The following DGKB variants were observed in gnomAD, a reference collection of about 807,000 sequenced individuals.
The protein encoded by DGKB is 90 kDa diacylglycerol kinase.
DGKB carries 67 observed loss-of-function variants against 114.3 expected under a neutral mutation model. The observed-to-expected ratio is 0.59, with a 90% CI of 0.48 to 0.72. DGKB has a LOEUF of 0.72. Ranked by LOEUF, DGKB falls within the 30% of genes least tolerant of loss-of-function variation. The pLI is 0.00. For synonymous variants in DGKB, 398 were observed against 323.1 expected, an observed-to-expected ratio of 1.23 and a Z score of -2.49; for missense variants, 907 against 975.2, an observed-to-expected ratio of 0.93 and a Z score of 0.93.
intron 1 of DGKB, among the ~76,000 whole-genome samples, chr7:14,967,888 T>C (rs36919): frequency 0.54 from 82,711 of 151,764 alleles, 24,299 homozygotes; most frequent in African/African-American, 0.76. Context: ...TTAGAGAGAT[T>C]GAGAGAGAGA....
intron 13 of DGKB, among the ~76,000 whole-genome samples, chr7:14,664,883 G>T (rs1288819451): frequency 5.3e-5 from 8 of 151,246 alleles, no homozygotes; most frequent in South Asian, 4.2e-4. Flanking sequence ...TTAAGGGGAA[G>T]AAAAAGGAAG....
At position 14,729,185 on chromosome 7, in the gene DGKB, C is replaced by T. The variant is rs546846010; in HGVS notation, c.322+6856G>A. Among the ~76,000 whole-genome samples the T allele has an allele frequency of 9.2e-5, 13 of 141,372 alleles. No individual in the cohort carries two copies. The South Asian group carries it at 1.5e-3, about 17-fold the overall frequency. 92.7% of individuals were successfully genotyped at this position (141,372 alleles called of 152,430 possible). ...TTGCCCAGGCTGGAGTGCAGTGGCG[C>T]CATCTCGGCTCACTGCAAGCTCCGC... On this transcript the variant is annotated intron_variant, in intron 5 of 25. Transcript: ENST00000402815.
intron 20 of DGKB, among the ~76,000 whole-genome samples, chr7:14,561,958 CT>C (rs1404317941): frequency 6.6e-6 from 1 of 152,202 alleles, no homozygotes; most frequent in Non-Finnish European, 1.5e-5. Context: ...GGCAGCCCCC[CT>C]CATCACAGGC....
chr7:14,758,630 A>G (rs1835226580), intron 2 of DGKB, among the ~76,000 whole-genome samples: 2 of 152,246 alleles, frequency 1.3e-5, no homozygotes, highest in South Asian at 2.1e-4. Flanking sequence ...ATGGAAAATT[A>G]TTGGCTACCA....
At chr7:14,615,633 A>G (rs1281335595) in intron 15 of DGKB, among the ~76,000 whole-genome samples, 1 of 151,912 alleles carries the variant, frequency 6.6e-6, no homozygotes, top group East Asian at 1.9e-4. Context: ...ATGATATTCC[A>G]CAAGTGGCAA....
chr7:14,405,065 G>T (rs539133244), intron 21 of DGKB, among the ~76,000 whole-genome samples: 5 of 150,364 alleles, frequency 3.3e-5, no homozygotes, highest in Admixed American at 1.3e-4. Context: ...CCACCATTTA[G>T]AGCTCATATT....
chr7:14,146,604 C>T lies in DGKB; in HGVS notation c.*2527G>A, dbSNP rs1412526494. ...GTCATAAAACTGATGAGAATATCTT[C>T]TCTGATTTCAAACCCATCAAGTTAC... On this transcript the variant is annotated 3_prime_UTR_variant, in exon 26 of 26. Transcript: ENST00000402815. The T allele has an allele frequency of 6.6e-6, 1 of 152,096 alleles. No homozygotes were observed. Among genetic ancestry groups the T allele is most frequent in the Non-Finnish European group, 1.5e-5 (1 of 67,980 alleles). The allele number at this position is 152,096 out of a possible 1,614,324, so 9.4% of individuals were successfully genotyped here.
At chr7:14,918,992 G>A (rs181401106) in intron 1 of DGKB, among the ~76,000 whole-genome samples, 1 of 151,560 alleles carries the variant, frequency 6.6e-6, no homozygotes, top group Non-Finnish European at 1.5e-5. Flanking sequence ...GAACCCAGGA[G>A]GCGGAGGTTC....
chr7:14,397,021 A>G (rs1822317213), intron 21 of DGKB, among the ~76,000 whole-genome samples: 1 of 152,108 alleles, frequency 6.6e-6, no homozygotes, highest in African/African-American at 2.4e-5. Context: ...ATTCCGGTCA[A>G]TAAGTTTTTC....
intron 1 of DGKB, among the ~76,000 whole-genome samples, chr7:14,958,722 G>C (rs1029439705): frequency 6.6e-6 from 1 of 151,958 alleles, no homozygotes. Context: ...CACCTCCTTA[G>C]ATGTAAATGT....
Position 14,797,986 on chromosome 7 carries a change from G to A in DGKB, c.71-40255C>T, listed in dbSNP as rs1427305654. 2.6e-5 allele frequency among the ~76,000 whole-genome samples: 4 copies of A among 152,182 alleles called. No individual in the cohort carries two copies. In the East Asian group the frequency reaches 7.7e-4, roughly 29 times the overall value. ...TTGAGCAGCAGAAAGAAAGCTCTCA[G>A]CAGGGAGAGGGGACCCGAAATCAGG... On this transcript the variant is annotated intron_variant, in intron 2 of 25. Coordinates refer to ENST00000402815, the MANE Select transcript of DGKB (RefSeq NM_001350709.2).
chr7:14,747,775 G>GCGCGCGCGCGCACA lies in DGKB; in HGVS notation c.168+6152_168+6153insTGTGCGCGCGCGCG. On this transcript the variant is annotated intron_variant, in intron 4 of 25. Coordinates refer to ENST00000402815, the MANE Select transcript of DGKB (RefSeq NM_001350709.2). ...GCTGTGGGCTCAAACACATCCACGCGCACGCACACACACACACACACACAC... is the reference window on the plus strand; with the variant it reads ...GCTGTGGGCTCAAACACATCCACGCGCGCGCGCGCGCACACACGCACACACACACACACACACAC... Among the ~76,000 whole-genome samples, 677 of 149,268 alleles carry GCGCGCGCGCGCACA rather than the reference G, an allele frequency of 4.5e-3. 5 individuals are homozygous for GCGCGCGCGCGCACA. Among genetic ancestry groups the GCGCGCGCGCGCACA allele is most frequent in the African/African-American group, 0.014 (567 of 39,690 alleles).
intron 1 of DGKB, among the ~76,000 whole-genome samples, chr7:14,851,053 G>T (rs1001764617): frequency 7.2e-5 from 11 of 152,096 alleles, no homozygotes; most frequent in Admixed American, 3.9e-4. Context: ...CTCAATAATG[G>T]TTATTTTCTC....
chr7:14,252,395 A>G (rs1344928568), intron 23 of DGKB, among the ~76,000 whole-genome samples: 1 of 152,160 alleles, frequency 6.6e-6, no homozygotes, highest in Non-Finnish European at 1.5e-5. Context: ...TCGTGATTTT[A>G]TGGCTTTGCT....
intron 1 of DGKB, among the ~76,000 whole-genome samples, chr7:14,930,381 A>C (rs1206519920): frequency 6.6e-6 from 1 of 152,134 alleles, no homozygotes; most frequent in Non-Finnish European, 1.5e-5. Flanking sequence ...GTAATCCATA[A>C]TTCTTTTAAT....
At chr7:14,893,193 G>T (rs1047526166) in intron 1 of DGKB, among the ~76,000 whole-genome samples, 2 of 151,114 alleles carry the variant, frequency 1.3e-5, no homozygotes, top group Non-Finnish European at 3.0e-5. Context: ...ACAAGTTTTT[G>T]TCTGGGTTTC....
chr7:14,172,008 A>T (rs1248181940), intron 25 of DGKB, among the ~76,000 whole-genome samples: 1 of 152,146 alleles, frequency 6.6e-6, no homozygotes, highest in Non-Finnish European at 1.5e-5. Context: ...ACTGAGGCTG[A>T]GCTTTTAGGC....
intron 1 of DGKB, among the ~76,000 whole-genome samples, chr7:14,851,402 A>T (rs996072639): frequency 2.0e-5 from 3 of 152,196 alleles, no homozygotes; most frequent in Admixed American, 1.3e-4. Flanking sequence ...CTTTTCACTT[A>T]TGATTTTAAA....
chr7:14,643,569 C>T (rs1812266975), intron 13 of DGKB, among the ~76,000 whole-genome samples: 1 of 152,274 alleles, frequency 6.6e-6, no homozygotes, highest in African/African-American at 2.4e-5. Flanking sequence ...GGTGGTACAA[C>T]TGTGTTCCCA....
Sources: allele counts gnomAD v4.1 joint callset (sites outside exome capture counted in the v4.1 genomes callset), GRCh38; gene constraint gnomAD v4.1.1; transcripts MANE v1.5; gene names NCBI Gene and HGNC (gene_info 2026-07-23, HGNC 2026-07-21).